DMAC2: variants seen among roughly 807,000 people sequenced by gnomAD.
DMAC2 encodes the protein distal membrane arm assembly component 2.
In DMAC2, 32 loss-of-function variants were observed where a neutral mutation model predicts 29.6. The observed-to-expected ratio is 1.08, with a 90% CI of 0.81 to 1.45. DMAC2 has a LOEUF of 1.45. Ranked by LOEUF, DMAC2 falls within the 40% of genes most tolerant of loss-of-function variation. The pLI, the probability that DMAC2 is intolerant of heterozygous loss-of-function variation, is 0.00. For synonymous variants in DMAC2, 133 were observed against 137.4 expected (o/e 0.97, Z 0.23); for missense variants, 319 against 340.0 (o/e 0.94, Z 0.49).
rs782382174 is a variant in DMAC2 at position 41,431,762 on chromosome 19, C to T, written c.*469G>A. Reference sequence around the variant, plus strand: ...CAGCAATACTATGGGGCCTGGGGTGCGCTGGCCTTTAGTGAGTGGAGTGGG... The same window carrying T: ...CAGCAATACTATGGGGCCTGGGGTGTGCTGGCCTTTAGTGAGTGGAGTGGG... On this transcript the variant is annotated 3_prime_UTR_variant, in exon 6 of 6. Transcript: ENST00000221943. 1.1e-4 allele frequency: 25 copies of T among 229,280 alleles called. No individual in the cohort carries two copies. Among genetic ancestry groups the T allele is most frequent in the Middle Eastern group, 3.5e-3 (2 of 574 alleles). 14.2% of individuals were successfully genotyped at this position (229,280 alleles called of 1,614,324 possible). A position where few individuals can be genotyped will look rare whatever the true frequency, so the allele number is the denominator to read the frequency against.
At chr19:41,432,796 GTGT>G in intron 5 of DMAC2, 1 of 517,308 alleles carries the variant, frequency 1.9e-6, no homozygotes, top group Non-Finnish European at 3.4e-6. Context: ...GTGTGTGTGT[GTGT>G]GTGTGTGTGT....
In DMAC2 at chr19:41,431,637, A is replaced by C; in HGVS notation, c.*594T>G. The C allele has an allele frequency of 3.5e-6, 1 of 281,808 alleles. No individual in the cohort carries two copies. The highest frequency in any genetic ancestry group is 4.9e-5 in the Admixed American group (1 of 20,440). 17.5% of individuals were successfully genotyped at this position (281,808 alleles called of 1,614,324 possible). A position where few individuals can be genotyped will look rare whatever the true frequency, so the allele number is the denominator to read the frequency against. ...CGAAGGAGGCGCCTTTCCTCCTATA[A>C]TGCCTGTTTGGTGCCCTCTACTGAC... is the stretch of plus-strand genomic sequence containing the variant. On this transcript the variant is annotated 3_prime_UTR_variant, in exon 6 of 6. Transcript: ENST00000221943.
At chr19:41,437,629 G>A (rs1157653585) in intron 2 of DMAC2, among the ~76,000 whole-genome samples, 1 of 152,038 alleles carries the variant, frequency 6.6e-6, no homozygotes, top group Non-Finnish European at 1.5e-5. Context: ...AACCTGGGAG[G>A]TGGAGGTTGC....
chr19:41,431,613 G>T lies in DMAC2; in HGVS notation c.*618C>A, dbSNP rs1344502651. 1.0e-5 allele frequency: 3 copies of T among 288,750 alleles called. No homozygotes were observed. In the East Asian group the frequency reaches 2.9e-4, roughly 28 times the overall value. 17.9% of individuals were successfully genotyped at this position (288,750 alleles called of 1,614,324 possible). Reference sequence around the variant, plus strand: ...CAGAAGCACAACCAACAAGAACCACGAAGGAGGCGCCTTTCCTCCTATAAT... The same window carrying T: ...CAGAAGCACAACCAACAAGAACCACTAAGGAGGCGCCTTTCCTCCTATAAT... On this transcript the variant is annotated 3_prime_UTR_variant, in exon 6 of 6. Transcript: ENST00000221943.
chr19:41,433,244 T>C (rs1555769942), intron 5 of DMAC2, 28 bp downstream of exon 5: 1 of 1,585,320 alleles, frequency 6.3e-7, no homozygotes, highest in Non-Finnish European at 8.6e-7. Flanking sequence ...TGCCTGGGCA[T>C]GTGGCCCAGC....
At chr19:41,434,872 A>C (rs530286464) in intron 3 of DMAC2, among the ~76,000 whole-genome samples, 1 of 151,890 alleles carries the variant, frequency 6.6e-6, no homozygotes, top group South Asian at 2.1e-4. Flanking sequence ...CGGGCGTGGT[A>C]GTGTGCACCT....
intron 2 of DMAC2, 67 bp from the exon 3 acceptor site, chr19:41,436,539 C>G (rs2039874474): frequency 7.7e-7 from 1 of 1,297,066 alleles, no homozygotes; most frequent in African/African-American, 1.5e-5. Context: ...TGCCCCAGTG[C>G]TGTTAAGAGG....
chr19:41,434,028 C>G (rs149094932), intron 3 of DMAC2, among the ~76,000 whole-genome samples: 2 of 151,960 alleles, frequency 1.3e-5, no homozygotes, highest in South Asian at 4.1e-4. Flanking sequence ...GTCAGGAGAT[C>G]GAAACCATCC....
At chr19:41,434,811 C>A (rs2039770989) in intron 3 of DMAC2, among the ~76,000 whole-genome samples, 1 of 151,928 alleles carries the variant, frequency 6.6e-6, no homozygotes, top group Non-Finnish European at 1.5e-5. Context: ...TGGAGACCAG[C>A]CTGGCCAACA....
chr19:41,439,316 C>T (rs1487961298), intron 1 of DMAC2: 3 of 546,564 alleles, frequency 5.5e-6, no homozygotes, highest in South Asian at 2.6e-5. Context: ...AAATTCATTC[C>T]TTGATTTTAA....
At chr19:41,436,499 G>A in intron 2 of DMAC2, 27 bp from the exon 3 acceptor site, 1 of 1,597,430 alleles carries the variant, frequency 6.3e-7, no homozygotes, top group Non-Finnish European at 8.6e-7. Context: ...AGCTAAGGGT[G>A]AGGCCTGGGG....
At position 41,431,427 on chromosome 19, in the gene DMAC2, G is replaced by A; in HGVS notation, c.*804C>T. On this transcript the variant is annotated 3_prime_UTR_variant, in exon 6 of 6. Transcript: ENST00000221943. The stretch of plus-strand genomic sequence containing the variant: ...TTCTGAATTGACTGGAAATCCATTT[G>A]GGGTGCTGGGGAACGTTATTCCCAG... 2.3e-6 allele frequency: 1 copy of A among 433,312 alleles called. No homozygotes were observed. The highest frequency in any genetic ancestry group is 4.6e-6 in the Non-Finnish European group (1 of 216,846). 26.8% of individuals were successfully genotyped at this position (433,312 alleles called of 1,614,324 possible). A position where few individuals can be genotyped will look rare whatever the true frequency, so the allele number is the denominator to read the frequency against.
At position 41,432,155 on chromosome 19, in the gene DMAC2, G is replaced by A; in HGVS notation, c.*76C>T. On this transcript the variant is annotated 3_prime_UTR_variant, in exon 6 of 6. Transcript: ENST00000221943. ...TGACGTTGAGTGAAGACAAATGGAA[G>A]CCAGAAGTGTGGTGAGCTACCAGAC... 6.6e-7 allele frequency: 1 copy of A among 1,515,280 alleles called. No individual in the cohort carries two copies. The highest frequency in any genetic ancestry group is 9.0e-7 in the Non-Finnish European group (1 of 1,111,640). 93.9% of individuals were successfully genotyped at this position (1,515,280 alleles called of 1,614,324 possible). A position where few individuals can be genotyped will look rare whatever the true frequency, so the allele number is the denominator to read the frequency against.
chr19:41,434,834 GTC>G (rs1379508933), intron 3 of DMAC2, among the ~76,000 whole-genome samples: 3 of 151,940 alleles, frequency 2.0e-5, no homozygotes, highest in Non-Finnish European at 2.9e-5. Flanking sequence ...GTAAAACCCT[GTC>G]TCTACCAAAA....
chr19:41,432,817 T>TGTGTGTG (rs2039633942), intron 5 of DMAC2: 1 of 415,676 alleles, frequency 2.4e-6, no homozygotes, highest in Non-Finnish European at 4.2e-6. Context: ...TGTGTGTGTG[T>TGTGTGTG]AGGGAGGTAC....
At chr19:41,439,219 T>G (rs2040027309) in intron 1 of DMAC2, 1 of 310,148 alleles carries the variant, frequency 3.2e-6, no homozygotes, top group Admixed American at 8.1e-5. Flanking sequence ...ACCAAATTCT[T>G]TTTTTTTTTC....
rs2039611897 is a variant in DMAC2, at chr19:41,432,723, G to GT, written c.597-316dup. ...AAGGACAGCGTGTGTGTGTGTGTGT[G>GT]TGTGTGTAGGGAGGTACAGACAGCG... On this transcript the variant is annotated intron_variant, in intron 5 of 5. Coordinates refer to ENST00000221943, the MANE Select transcript of DMAC2 (RefSeq NM_018035.3). 106 of 430,450 alleles carry GT rather than the reference G, an allele frequency of 2.5e-4. 1 individual carries two copies. Among genetic ancestry groups the GT allele is most frequent in the South Asian group, 2.4e-3 (104 of 42,548 alleles). 26.7% of individuals were successfully genotyped at this position (430,450 alleles called of 1,614,324 possible).
intron 2 of DMAC2, 32 bp downstream of exon 2, chr19:41,438,186 T>G: frequency 6.3e-7 from 1 of 1,590,884 alleles, no homozygotes; most frequent in Non-Finnish European, 8.6e-7. Context: ...GGCCAGGGTC[T>G]CCACAGGGTC....
At chr19:41,437,754 T>C (rs2039948749) in intron 2 of DMAC2, among the ~76,000 whole-genome samples, 1 of 151,874 alleles carries the variant, frequency 6.6e-6, no homozygotes. Context: ...ATTGAGTGAT[T>C]CAACTATAAG....
Sources: gnomAD v4.1 joint callset for allele counts (sites outside exome capture counted in the v4.1 genomes callset) on GRCh38, gnomAD v4.1.1 for gene constraint, MANE v1.5 for transcripts, NCBI Gene and HGNC (gene_info 2026-07-23, HGNC 2026-07-21) for gene names.